RASGEF1A: variants seen among roughly 807,000 people sequenced by gnomAD.
The protein encoded by RASGEF1A is ras-GEF domain-containing family member 1A.
Under a neutral mutation model 56.4 loss-of-function variants are expected in RASGEF1A, and 18 were observed. That is an observed-to-expected ratio of 0.32 (90% confidence interval 0.22 to 0.47). The LOEUF (loss-of-function observed/expected upper bound fraction) is 0.47, where lower values mean the gene tolerates loss of function less well. Among genes scored for constraint, RASGEF1A ranks in the 20% least tolerant of loss-of-function variants. RASGEF1A has a pLI of 1.00. For synonymous variants in RASGEF1A, 245 were observed against 242.6 expected (o/e 1.01, Z -0.09); for missense variants, 422 against 627.1 (o/e 0.67, Z 3.49).
chr10:43,206,852 C>A (rs982675783), intron 1 of RASGEF1A: 1 of 985,902 alleles, frequency 1.0e-6, no homozygotes, highest in African/African-American at 1.7e-5. Flanking sequence ...AGATCTGGAA[C>A]TGGCTTTGGG....
chr10:43,223,448 G>C (rs756421759), intron 1 of RASGEF1A, among the ~76,000 whole-genome samples: 1 of 152,140 alleles, frequency 6.6e-6, no homozygotes, highest in Non-Finnish European at 1.5e-5. Flanking sequence ...AACCTTTATA[G>C]GAAAACTCTG....
rs1255983835 is a variant in RASGEF1A at position 43,199,748 on chromosome 10, C to A, written c.777G>T (p.Lys259Asn). 8.7e-6 allele frequency: 14 copies of A among 1,613,682 alleles called. No homozygotes were observed. Among genetic ancestry groups the A allele is most frequent in the Non-Finnish European group, 1.1e-5 (13 of 1,180,004 alleles). ...DNHRCRGDLT[K>N]TYSLEAYDNW... ...TGTCATAGGCCTCCAGGCTGTAGGT[C>A]TTGGTCAGGTCCCCTCGGCACTGGA... Residue 259 changes from lysine (K) to asparagine (N), a missense_variant, in exon 7 of 13, where the codon AAG (lysine) becomes AAT (asparagine). Around this residue, in one of 2 missense-constraint regions of RASGEF1A, gnomAD observed 273 missense variants for 339.9 expected, o/e 0.80. Coordinates refer to ENST00000395810, the MANE Select transcript of RASGEF1A (RefSeq NM_145313.4).
intron 1 of RASGEF1A, among the ~76,000 whole-genome samples, chr10:43,229,406 G>A (rs1195837113): frequency 1.3e-5 from 2 of 152,182 alleles, no homozygotes; most frequent in Non-Finnish European, 2.9e-5. Flanking sequence ...CTGTGCTCTC[G>A]GCGTCCGCGG....
intron 1 of RASGEF1A, among the ~76,000 whole-genome samples, chr10:43,238,192 C>T (rs1840458252): frequency 6.6e-6 from 1 of 151,304 alleles, no homozygotes; most frequent in Non-Finnish European, 1.5e-5. Context: ...GCCATGTCGA[C>T]TTAAAGGGGT....
At chr10:43,203,465 G>A in intron 2 of RASGEF1A, 45 bp from the exon 3 acceptor site, 1 of 1,472,238 alleles carries the variant, frequency 6.8e-7, no homozygotes, top group Non-Finnish European at 9.1e-7. Flanking sequence ...GGTGAGGCAG[G>A]CCCCCGGGGG....
In RASGEF1A at chr10:43,198,094, G is replaced by C; in HGVS notation, c.1134C>G (p.Val378=). 1 of 1,614,202 alleles carries C rather than the reference G, an allele frequency of 6.2e-7. No homozygotes were observed. Among genetic ancestry groups the C allele is most frequent in the South Asian group, 1.1e-5 (1 of 91,074 alleles). ...QMANSSREKI[V]IPVFNLFVKD... ...TAACGAAGAGGTTGAACACAGGGAT[G>C]ACGATCTTTTCACGGCTGCTGTTGG... The change falls in exon 10 of 13, where the codon GTC becomes GTG. Residue 378 remains valine, a synonymous_variant. Coordinates refer to ENST00000395810, the MANE Select transcript of RASGEF1A (RefSeq NM_145313.4).
chr10:43,232,424 A>C (rs1374763902), intron 1 of RASGEF1A, among the ~76,000 whole-genome samples: 1 of 151,824 alleles, frequency 6.6e-6, no homozygotes, highest in African/African-American at 2.4e-5. Flanking sequence ...TGATTCCTGT[A>C]AAGTTTGCAG....
intron 1 of RASGEF1A, among the ~76,000 whole-genome samples, chr10:43,239,500 G>A (rs7899443): frequency 0.026 from 3,893 of 152,258 alleles, 151 homozygotes; most frequent in African/African-American, 0.088. Flanking sequence ...TTAACTAAAC[G>A]CTTGCAGAAA....
intron 1 of RASGEF1A, chr10:43,229,743 T>C: frequency 7.5e-7 from 1 of 1,331,538 alleles, no homozygotes; most frequent in South Asian, 1.9e-5. Context: ...AAGCACCCAC[T>C]CCTGCGCCGG....
At position 43,196,024 on chromosome 10, in the gene RASGEF1A, C is replaced by G; in HGVS notation, c.*220G>C. On this transcript the variant is annotated 3_prime_UTR_variant, in exon 13 of 13. Transcript: ENST00000395810. The surrounding 1 kb of genome is among the most constrained non-coding windows in gnomAD (Gnocchi z 4.6). ...ATCTCCCATGATACTCTCCCCTCCC[C>G]CTCCCCAAAGCAGGGCCCTGCCCTG... The G allele has an allele frequency of 2.4e-6, 1 of 414,542 alleles. No individual in the cohort carries two copies. Among genetic ancestry groups the G allele is most frequent in the Non-Finnish European group, 4.3e-6 (1 of 232,314 alleles). The allele number at this position is 414,542 out of a possible 1,614,324, so 25.7% of individuals were successfully genotyped here. A position where few individuals can be genotyped will look rare whatever the true frequency, so the allele number is the denominator to read the frequency against.
chr10:43,228,758 C>T (rs1840316353), intron 1 of RASGEF1A, among the ~76,000 whole-genome samples: 1 of 152,266 alleles, frequency 6.6e-6, no homozygotes, highest in South Asian at 2.1e-4. Flanking sequence ...ACACATTGTG[C>T]TTGTTCCTCT....
intron 1 of RASGEF1A, among the ~76,000 whole-genome samples, chr10:43,263,491 A>G (rs1463028920): frequency 6.6e-6 from 1 of 152,204 alleles, no homozygotes; most frequent in African/African-American, 2.4e-5. Flanking sequence ...ACATCTTTGC[A>G]TCCCACGTAT....
intron 9 of RASGEF1A, 42 bp downstream of exon 9, chr10:43,198,891 A>C: frequency 2.5e-6 from 4 of 1,579,838 alleles, no homozygotes; most frequent in Non-Finnish European, 2.6e-6. Context: ...TGCGGGACGA[A>C]ATGGGTGCAG....
chr10:43,229,628 C>G, intron 1 of RASGEF1A: 1 of 1,493,992 alleles, frequency 6.7e-7, no homozygotes, highest in Non-Finnish European at 8.9e-7. Flanking sequence ...GGGCCCGCCG[C>G]AGCCCTACCT....
intron 1 of RASGEF1A, among the ~76,000 whole-genome samples, chr10:43,223,363 C>A (rs541644578): frequency 6.6e-6 from 1 of 152,158 alleles, no homozygotes; most frequent in Non-Finnish European, 1.5e-5. Context: ...AAACAAAATA[C>A]CCACTTCATA....
rs1473089053 is a variant in RASGEF1A, at chr10:43,199,207, A to G, written c.850-13T>C. ...TCTTCTTCACCACCTGGAAGGTGGCAGGTGACCTCAGCATGGCGCTGCCGG... is the reference window on the plus strand; with the variant it reads ...TCTTCTTCACCACCTGGAAGGTGGCGGGTGACCTCAGCATGGCGCTGCCGG... On this transcript the variant is annotated splice_polypyrimidine_tract_variant and intron_variant, in intron 7 of 12. Transcript: ENST00000395810. 6.3e-7 allele frequency: 1 copy of G among 1,583,404 alleles called. No homozygotes were observed. Among genetic ancestry groups the G allele is most frequent in the South Asian group, 1.1e-5 (1 of 88,894 alleles).
At position 43,236,324 on chromosome 10, in the gene RASGEF1A, C is replaced by T. The variant is rs142004584; in HGVS notation, c.-6-30202G>A. On this transcript the variant is annotated intron_variant, in intron 1 of 12. Transcript: ENST00000395810. ...GCGCATCCATGTGTGTTTGTGTGAC[C>T]TTGTGTGCGCATGTATACATGTGCT... Among the ~76,000 whole-genome samples, 318 of 152,336 alleles carry T rather than the reference C, an allele frequency of 2.1e-3. 5 individuals are homozygous for T. Among genetic ancestry groups the T allele is most frequent in the Admixed American group, 5.9e-3 (91 of 15,306 alleles).
At chr10:43,241,990 T>C (rs1157137937) in intron 1 of RASGEF1A, among the ~76,000 whole-genome samples, 1 of 152,042 alleles carries the variant, frequency 6.6e-6, no homozygotes, top group Non-Finnish European at 1.5e-5. Context: ...ACAAAAAAAT[T>C]AGCCAGGCAT....
At chr10:43,237,806 C>A (rs975134377) in intron 1 of RASGEF1A, among the ~76,000 whole-genome samples, 2 of 152,210 alleles carry the variant, frequency 1.3e-5, no homozygotes, top group Non-Finnish European at 2.9e-5. Context: ...ACCATCCCAG[C>A]ATGGCCCCAG....
Sources: gnomAD v4.1 joint callset for allele counts (sites outside exome capture counted in the v4.1 genomes callset) on GRCh38, gnomAD v4.1.1 for gene constraint, gnomAD v4.1.1 regional missense constraint, Gnocchi (gnomAD v3.1) non-coding constraint, MANE v1.5 for transcripts, NCBI Gene and HGNC (gene_info 2026-07-23, HGNC 2026-07-21) for gene names.